Variants in SLC6A9 observed in about 807,000 individuals in gnomAD.
SLC6A9 encodes the protein solute carrier family 6 member 9.
A neutral mutation model predicts 70.9 loss-of-function variants in SLC6A9; 31 were observed. The observed-to-expected ratio is 0.44, with a 90% confidence interval of 0.33 to 0.59. SLC6A9 has a LOEUF of 0.59. SLC6A9 is among the 20% of genes least tolerant of loss of function. The pLI is 0.04. For missense variants in SLC6A9, 631 were observed against 845.2 expected (o/e 0.75, Z 3.14); for synonymous variants, 310 against 341.3 (o/e 0.91, Z 1.01).
chr1:44,007,798 C>T (rs2086372670), intron 5 of SLC6A9, among the ~76,000 whole-genome samples: 1 of 152,194 alleles, frequency 6.6e-6, no homozygotes, highest in Admixed American at 6.5e-5. Flanking sequence ...TGAGTCTCCT[C>T]TGAAGGCTGG....
In SLC6A9 at chr1:43,997,665, G is replaced by A. The variant is rs1557663152; in HGVS notation, c.1782C>T (p.Ala594=). Residue 594 remains alanine, a synonymous_variant, in exon 14 of 14, where the codon GCC becomes GCT. Transcript: ENST00000372310. The surrounding 1 kb of genome is among the most constrained non-coding windows in gnomAD (Gnocchi z 4.4). ...CCTCAGGAGAGGGGGCTATGGTGGG[G>A]GCGTAGCGCCCTGTCCGGTGCTCCA... ...ALLEHRTGRY[A]PTIAPSPEDG... 1 of 1,613,870 alleles carries A rather than the reference G, an allele frequency of 6.2e-7. No individual in the cohort carries two copies. Among genetic ancestry groups the A allele is most frequent in the Admixed American group, 1.7e-5 (1 of 59,934 alleles).
rs1294281782 is a variant in SLC6A9 at position 44,013,694 on chromosome 1, G to C, written c.31-2812C>G. 6.6e-6 allele frequency among the ~76,000 whole-genome samples: 1 copy of C among 152,136 alleles called. No individual in the cohort carries two copies. Among genetic ancestry groups the C allele is most frequent in the South Asian group, 2.1e-4 (1 of 4,828 alleles). ...GGGCTGTCTACGCTCAGGTGGCTTG[G>C]CTGGGGAGGGCTGAGCTCTCAGCGG... On this transcript the variant is annotated intron_variant, in intron 2 of 13. Coordinates refer to ENST00000372310, the MANE Select transcript of SLC6A9 (RefSeq NM_001024845.3). The surrounding 1 kb of genome is among the most constrained non-coding windows in gnomAD (Gnocchi z 5.3).
chr1:44,011,344 G>C (rs1320508984), intron 2 of SLC6A9, among the ~76,000 whole-genome samples: 1 of 152,138 alleles, frequency 6.6e-6, no homozygotes, highest in Non-Finnish European at 1.5e-5. Context: ...GGCTGAGCAC[G>C]CTGCCCCTGG....
chr1:44,022,722 C>CTTTCTTTCTTTTTTTT (rs1553164497), intron 2 of SLC6A9, among the ~76,000 whole-genome samples: 1 of 118,956 alleles, frequency 8.4e-6, no homozygotes, highest in South Asian at 2.6e-4. Flanking sequence ...TTCTTTCTTT[C>CTTTCTTTCTTTTTTTT]TTTTTTTTTT....
chr1:44,024,420 C>T, intron 1 of SLC6A9, 58 bp from the exon 2 acceptor site: 1 of 1,046,874 alleles, frequency 9.6e-7, no homozygotes, highest in East Asian at 2.4e-5. Context: ...CAGGGCTCTC[C>T]AGACAGGTAG....
chr1:43,998,985 G>GGA (rs976116439), intron 12 of SLC6A9, among the ~76,000 whole-genome samples: 8 of 151,558 alleles, frequency 5.3e-5, no homozygotes, highest in Middle Eastern at 3.4e-3. Flanking sequence ...CGGGGGAAGG[G>GGA]GGGGGGCAGT....
intron 5 of SLC6A9, among the ~76,000 whole-genome samples, chr1:44,007,382 T>C (rs892520728): frequency 5.3e-5 from 8 of 152,120 alleles, no homozygotes; most frequent in Middle Eastern, 3.2e-3. Context: ...GTGGAATAAA[T>C]GGTGGAGGCC....
intron 10 of SLC6A9, 41 bp from the exon 11 acceptor site, chr1:44,001,096 G>C (rs202028169): frequency 1.3e-4 from 216 of 1,606,798 alleles, no homozygotes; most frequent in Non-Finnish European, 1.7e-4. Context: ...CCTGCAGCCC[G>C]GGCTCCCCAA....
At chr1:44,016,167 C>T (rs959068890) in intron 2 of SLC6A9, among the ~76,000 whole-genome samples, 1 of 152,172 alleles carries the variant, frequency 6.6e-6, no homozygotes, top group Non-Finnish European at 1.5e-5. Context: ...GCCAGCTCCT[C>T]GCTTCCCACC....
In SLC6A9 at chr1:44,031,008, G is replaced by T. The variant is rs1434506151; in HGVS notation, c.-86+298C>A. Among the ~76,000 whole-genome samples the T allele has an allele frequency of 4.6e-5, 3 of 64,646 alleles. No individual in the cohort carries two copies. The South Asian group carries it at 1.8e-3, about 39-fold the overall frequency. 42.4% of individuals were successfully genotyped at this position (64,646 alleles called of 152,430 possible). On this transcript the variant is annotated intron_variant, in intron 1 of 13. Transcript: ENST00000372310. ...GTCTGGCGCCCCCCCGCCACCCCACGCAGGAGCTCCCCCCACTTCCCTCTC... is the reference window on the plus strand; with the variant it reads ...GTCTGGCGCCCCCCCGCCACCCCACTCAGGAGCTCCCCCCACTTCCCTCTC...
chr1:44,029,360 A>G (rs2087049076), intron 1 of SLC6A9, among the ~76,000 whole-genome samples: 1 of 152,172 alleles, frequency 6.6e-6, no homozygotes, highest in African/African-American at 2.4e-5. Context: ...GGAGCAGGAA[A>G]CAGCCCTTAG....
rs1009617488 is a variant in SLC6A9, at chr1:44,000,999, C to A, written c.1392G>T (p.Val464=). 3 of 1,585,478 alleles carry A rather than the reference C, an allele frequency of 1.9e-6. No individual in the cohort carries two copies. Among genetic ancestry groups the A allele is most frequent in the Non-Finnish European group, 2.6e-6 (3 of 1,163,984 alleles). The change falls in exon 11 of 14, where the codon GTG becomes GTT. Residue 464 remains valine (V), a synonymous_variant. Coordinates refer to ENST00000372310, the MANE Select transcript of SLC6A9 (RefSeq NM_001024845.3). The part of the protein sequence containing the change: ...MDNYAASFSL[V]VISCIMCVAI... ...CCACACACATGATGCAGGAGATGAC[C>A]ACCAAGGAGAAGCTGGCCGCATAGT...
chr1:44,024,606 C>A (rs1387141940), intron 1 of SLC6A9, among the ~76,000 whole-genome samples: 1 of 152,236 alleles, frequency 6.6e-6, no homozygotes, highest in Non-Finnish European at 1.5e-5. Flanking sequence ...TTTGACTTTC[C>A]AGATGCCCAA....
chr1:44,013,419 G>A lies in SLC6A9; in HGVS notation c.31-2537C>T, dbSNP rs999612737. 9.1e-4 allele frequency among the ~76,000 whole-genome samples: 139 copies of A among 152,234 alleles called. 1 individual carries two copies. Among genetic ancestry groups the A allele is most frequent in the Admixed American group, 8.9e-3 (136 of 15,288 alleles). On this transcript the variant is annotated intron_variant, in intron 2 of 13. Coordinates refer to ENST00000372310, the MANE Select transcript of SLC6A9 (RefSeq NM_001024845.3). The surrounding 1 kb of genome is among the most constrained non-coding windows in gnomAD (Gnocchi z 5.3). The stretch of plus-strand genomic sequence containing the variant: ...GCCCTCAAGAGCCAGCCACTGCTCC[G>A]TTAATGAGCCGTGTGCTAACCAGCT...
Position 44,008,340 on chromosome 1 carries a change from G to A in SLC6A9, c.590+13C>T, listed in dbSNP as rs376373532. 6.2e-6 allele frequency: 10 copies of A among 1,612,820 alleles called. No individual in the cohort carries two copies. In the East Asian group the frequency reaches 2.2e-4, roughly 36 times the overall value. ...CCAGGTTCCCCCCACCCCAGGTCCT[G>A]CAGGTGCCTCACCTCCAGTACTCCT... On this transcript the variant is annotated intron_variant, in intron 5 of 13. Coordinates refer to ENST00000372310, the MANE Select transcript of SLC6A9 (RefSeq NM_001024845.3).
intron 3 of SLC6A9, 129 bp downstream of exon 3, chr1:44,010,597 G>A (rs1390700210): frequency 1.1e-5 from 10 of 884,720 alleles, no homozygotes; most frequent in Non-Finnish European, 1.7e-5. Flanking sequence ...CAGGGATGGG[G>A]GCGAAGGAGG....
chr1:44,008,170 C>T (rs2154305498), intron 5 of SLC6A9, among the ~76,000 whole-genome samples, 183 bp downstream of exon 5: 1 of 152,278 alleles, frequency 6.6e-6, no homozygotes, highest in Non-Finnish European at 1.5e-5. Context: ...GCCCGGCCTC[C>T]ATCTTCCATT....
chr1:44,017,005 TG>T (rs1225004014), intron 2 of SLC6A9: 2 of 1,557,562 alleles, frequency 1.3e-6, no homozygotes, highest in Non-Finnish European at 1.7e-6. Context: ...TCAGCCTGCC[TG>T]GCACCAAGGA....
chr1:44,000,534 A>C (rs560926837), intron 12 of SLC6A9, among the ~76,000 whole-genome samples: 1 of 152,348 alleles, frequency 6.6e-6, no homozygotes, highest in East Asian at 1.9e-4. Flanking sequence ...TCTGCAGTCA[A>C]ATAAAGGCTG....
Sources: allele counts gnomAD v4.1 joint callset (sites outside exome capture counted in the v4.1 genomes callset), GRCh38; gene constraint gnomAD v4.1.1; non-coding constraint Gnocchi (gnomAD v3.1); transcripts MANE v1.5; gene names NCBI Gene and HGNC (gene_info 2026-07-23, HGNC 2026-07-21).